Variants in ZFHX3 observed in about 807,000 individuals in gnomAD.
The protein encoded by ZFHX3 is zinc finger homeobox protein 3.
In ZFHX3, 42 loss-of-function variants were observed where a neutral mutation model predicts 279.1. The observed-to-expected ratio is 0.15, with a 90% confidence interval of 0.12 to 0.19. The LOEUF is 0.19. Among genes scored for constraint, ZFHX3 ranks in the 10% least tolerant of loss-of-function variants. ZFHX3 has a pLI of 1.00. For missense variants in ZFHX3, 4,981 were observed against 4,754.0 expected (o/e 1.05, Z -1.40); for synonymous variants, 2,293 against 1,957.8 (o/e 1.17, Z -4.52).
intron 2 of ZFHX3, among the ~76,000 whole-genome samples, chr16:73,613,873 C>G (rs2052272689): frequency 6.6e-6 from 1 of 152,118 alleles, no homozygotes; most frequent in Non-Finnish European, 1.5e-5. Flanking sequence ...GGGGAGGGCG[C>G]GGTCACAGCG....
chr16:73,605,992 G>A (rs995884512), intron 2 of ZFHX3, among the ~76,000 whole-genome samples: 1 of 151,520 alleles, frequency 6.6e-6, no homozygotes, highest in Non-Finnish European at 1.5e-5. Flanking sequence ...GACCATCCTG[G>A]CTAACACAGT....
In ZFHX3 at chr16:72,798,080, A is replaced by G. The variant is rs1465819770; in HGVS notation, c.4602T>C (p.Thr1534=). The G allele has an allele frequency of 6.2e-7, 1 of 1,614,214 alleles. No homozygotes were observed. The highest frequency in any genetic ancestry group is 8.5e-7 in the Non-Finnish European group (1 of 1,180,038). Residue 1534 remains threonine (T), a synonymous_variant, in exon 9 of 10, where the codon ACT becomes ACC. Transcript: ENST00000268489. ...ALPFRKGPNF[T]MEKFLDPSRP... ...GAGAAGGGTCTAGGAACTTTTCCAT[A>G]GTAAAATTGGGACCTTTTCTGAAAG...
intron 4 of ZFHX3, among the ~76,000 whole-genome samples, chr16:72,839,784 TGAA>T (rs1404331862): frequency 3.9e-5 from 6 of 152,120 alleles, no homozygotes; most frequent in African/African-American, 4.8e-5. Context: ...GTGGGGGGGA[TGAA>T]GAAGGGGAGC....
intron 1 of ZFHX3, among the ~76,000 whole-genome samples, chr16:73,757,673 C>T (rs1430830829): frequency 1.3e-5 from 2 of 152,114 alleles, no homozygotes; most frequent in African/African-American, 4.8e-5. Flanking sequence ...TATGTGAGGG[C>T]ATTTGTGATG....
intron 1 of ZFHX3, among the ~76,000 whole-genome samples, chr16:72,965,997 C>A (rs1443368923): frequency 6.6e-6 from 1 of 152,192 alleles, no homozygotes; most frequent in Non-Finnish European, 1.5e-5. Flanking sequence ...CAAAATTTAT[C>A]ATTTCTTTAT....
At position 73,265,109 on chromosome 16, in the gene ZFHX3, GTA is replaced by G. The variant is rs1555507015; in HGVS notation, c.-1193-7975_-1193-7974del. ...TGTGTGTGTGTGTGTGTGTGTGTGT[GTA>G]TATAACAGTTTATCTACTTGTTGAT... On this transcript the variant is annotated intron_variant, in intron 4 of 17. Transcript: ENST00000641206. Among the ~76,000 whole-genome samples, 944 of 145,332 alleles carry G rather than the reference GTA, an allele frequency of 6.5e-3. 7 individuals carry two copies. Among genetic ancestry groups the G allele is most frequent in the African/African-American group, 0.018 (739 of 40,200 alleles).
chr16:73,725,320 C>T (rs2142242195), intron 1 of ZFHX3, among the ~76,000 whole-genome samples: 1 of 152,296 alleles, frequency 6.6e-6, no homozygotes, highest in African/African-American at 2.4e-5. Flanking sequence ...CACAAAAGGG[C>T]CCTGTTTCCT....
intron 5 of ZFHX3, among the ~76,000 whole-genome samples, chr16:73,175,709 T>C (rs1967648773): frequency 6.6e-6 from 1 of 152,238 alleles, no homozygotes; most frequent in African/African-American, 2.4e-5. Flanking sequence ...ATTTCCCCTT[T>C]ATATGGCTGG....
chr16:73,558,709 C>CTT (rs989644068), intron 2 of ZFHX3, among the ~76,000 whole-genome samples: 3,684 of 90,366 alleles, frequency 0.041, 145 homozygotes, highest in East Asian at 0.081. Context: ...GAAAATGACT[C>CTT]TTTTTTTTTT....
intron 2 of ZFHX3, among the ~76,000 whole-genome samples, chr16:73,515,670 T>A (rs1489854296): frequency 6.6e-6 from 1 of 152,132 alleles, no homozygotes; most frequent in Non-Finnish European, 1.5e-5. Context: ...AAGTACGTAA[T>A]ACTGAAGAGG....
chr16:73,343,398 C>T (rs578215345), intron 3 of ZFHX3, among the ~76,000 whole-genome samples: 1 of 152,242 alleles, frequency 6.6e-6, no homozygotes, highest in East Asian at 1.9e-4. Flanking sequence ...TGATCCTGAA[C>T]ATCTTGCTCC....
chr16:72,800,784 C>T (rs1207984480), intron 7 of ZFHX3, among the ~76,000 whole-genome samples: 1 of 152,126 alleles, frequency 6.6e-6, no homozygotes, highest in East Asian at 1.9e-4. Flanking sequence ...GGAGTCTCTG[C>T]CCAAGGTATA....
At chr16:73,257,561 G>A (rs958030991) in intron 4 of ZFHX3, among the ~76,000 whole-genome samples, 4 of 152,218 alleles carry the variant, frequency 2.6e-5, no homozygotes, top group Non-Finnish European at 4.4e-5. Flanking sequence ...GCCAAGAAGA[G>A]TGACTAGGTC....
chr16:73,015,063 T>C (rs78115403), intron 1 of ZFHX3: 1 of 147,624 alleles, frequency 6.8e-6, no homozygotes, highest in Non-Finnish European at 1.5e-5. Context: ...TTTTTTTTTT[T>C]TGAGATAGGG....
intron 3 of ZFHX3, among the ~76,000 whole-genome samples, chr16:72,941,429 T>C (rs2144347175): frequency 6.6e-6 from 1 of 152,270 alleles, no homozygotes; most frequent in East Asian, 1.9e-4. Flanking sequence ...GGCAGGTCAT[T>C]ATGAACAAAT....
At chr16:73,106,893 G>A (rs573533209) in intron 7 of ZFHX3, among the ~76,000 whole-genome samples, 6 of 152,272 alleles carry the variant, frequency 3.9e-5, no homozygotes, top group South Asian at 2.1e-4. Flanking sequence ...AAATGGGTCC[G>A]GACACTGCTA....
chr16:72,895,126 CGCACACACATGTGA>C (rs1256604714), intron 3 of ZFHX3, among the ~76,000 whole-genome samples: 1 of 152,198 alleles, frequency 6.6e-6, no homozygotes, highest in Non-Finnish European at 1.5e-5. Context: ...TGCATGCACG[CGCACACACATGTGA>C]GCACACACAT....
At chr16:73,264,967 T>C (rs2013927620) in intron 4 of ZFHX3, among the ~76,000 whole-genome samples, 1 of 150,910 alleles carries the variant, frequency 6.6e-6, no homozygotes, top group African/African-American at 2.4e-5. Flanking sequence ...TGTGTGTATA[T>C]ATGTGTATAT....
rs796261005 is a variant in ZFHX3, at chr16:73,457,067, T to A, written c.-1546-809A>T. ...TAGAAATGGAGGTAAAACCACCACA[T>A]ATAGAGGGTAGCGGAGCCTTGTGCT... On this transcript the variant is annotated intron_variant, in intron 2 of 17. Transcript: ENST00000641206. Among the ~76,000 whole-genome samples, 17 of 152,288 alleles carry A rather than the reference T, an allele frequency of 1.1e-4. No individual in the cohort carries two copies. In the East Asian group the frequency reaches 2.9e-3, roughly 26 times the overall value.
Sources: gnomAD v4.1 joint callset for allele counts (sites outside exome capture counted in the v4.1 genomes callset) on GRCh38, gnomAD v4.1.1 for gene constraint, MANE v1.5 for transcripts, NCBI Gene and HGNC (gene_info 2026-07-23, HGNC 2026-07-21) for gene names.